RABGEF1: variants seen among roughly 807,000 people sequenced by gnomAD.
The protein encoded by RABGEF1 is RAB guanine nucleotide exchange factor 1, also known as rab5 GDP/GTP exchange factor.
RABGEF1 carries 26 observed loss-of-function variants against 57.3 expected under a neutral mutation model. The ratio of observed to expected loss-of-function variants is 0.45; its 90% CI spans 0.33 to 0.63. The LOEUF is 0.63. Ranked by LOEUF, RABGEF1 falls within the 20% of genes least tolerant of loss-of-function variation. The pLI is 0.02. For missense variants in RABGEF1, 464 were observed against 607.6 expected, an observed-to-expected ratio of 0.76 and a Z score of 2.48; for synonymous variants, 185 against 210.7, an observed-to-expected ratio of 0.88 and a Z score of 1.06.
intron 4 of RABGEF1, among the ~76,000 whole-genome samples, chr7:66,786,494 C>G (rs1172022054): frequency 6.6e-6 from 1 of 152,162 alleles, no homozygotes; most frequent in African/African-American, 2.4e-5. Context: ...GACTTGACCT[C>G]CCAGACTCAA....
chr7:66,738,030 T>TTTTTTTTG (rs1798243704), upstream of RABGEF1, among the ~76,000 whole-genome samples: 3 of 146,888 alleles, frequency 2.0e-5, no homozygotes, highest in African/African-American at 5.0e-5. Context: ...TTTGTTTTTT[T>TTTTTTTTG]TTTTTTTTGA....
chr7:66,761,019 T>G (rs1804191929), intron 1 of RABGEF1, among the ~76,000 whole-genome samples: 1 of 152,208 alleles, frequency 6.6e-6, no homozygotes, highest in African/African-American at 2.4e-5. Flanking sequence ...ATAACCTTAT[T>G]CATTTAGTTT....
chr7:66,698,730 C>G (rs982063957), intron 1 of RABGEF1, among the ~76,000 whole-genome samples: 2 of 152,162 alleles, frequency 1.3e-5, no homozygotes, highest in African/African-American at 4.8e-5. Flanking sequence ...CACCCCAGAC[C>G]TGGGTCTCTG....
At chr7:66,765,230 A>C (rs976843648) in intron 1 of RABGEF1, among the ~76,000 whole-genome samples, 20 of 151,554 alleles carry the variant, frequency 1.3e-4, no homozygotes, top group African/African-American at 4.8e-4. Flanking sequence ...GCCTAAAGTT[A>C]CATTTCCAGT....
chr7:66,731,681 C>T (rs566521638), intron 2 of RABGEF1, among the ~76,000 whole-genome samples: 2 of 152,294 alleles, frequency 1.3e-5, no homozygotes, highest in South Asian at 4.1e-4. Context: ...TGTGCCACTG[C>T]ACTCCAGCCT....
At chr7:66,751,373 G>A (rs971714088) in intron 1 of RABGEF1, among the ~76,000 whole-genome samples, 1 of 152,148 alleles carries the variant, frequency 6.6e-6, no homozygotes, top group African/African-American at 2.4e-5. Flanking sequence ...CATTAAATAA[G>A]TCTTTCTGGT....
chr7:66,752,715 A>C (rs1801723637), intron 1 of RABGEF1, among the ~76,000 whole-genome samples: 2 of 152,208 alleles, frequency 1.3e-5, no homozygotes, highest in African/African-American at 4.8e-5. Flanking sequence ...TTCCCAGGCC[A>C]GTTGAATCAG....
chr7:66,707,955 G>C (rs1794330985), intron 1 of RABGEF1, among the ~76,000 whole-genome samples: 1 of 151,880 alleles, frequency 6.6e-6, no homozygotes. Context: ...GTTACTTTCT[G>C]CATGGAATAT....
At chr7:66,747,025 C>A (rs1800419148) in intron 1 of RABGEF1, among the ~76,000 whole-genome samples, 1 of 151,908 alleles carries the variant, frequency 6.6e-6, no homozygotes, top group Non-Finnish European at 1.5e-5. Flanking sequence ...AATTTCTGAC[C>A]TCAGGTGATC....
Position 66,790,341 on chromosome 7 carries a change from T to C in RABGEF1, c.514-5170T>C, listed in dbSNP as rs143357656. On this transcript the variant is annotated intron_variant, in intron 4 of 8. Transcript: ENST00000284957. ...CCCTTATGCGCATGAGGTCTTTTTT[T>C]CGTCTTTCTTCACATGCGACAGGCA... is the stretch of plus-strand genomic sequence containing the variant. Among the ~76,000 whole-genome samples, 162 of 152,304 alleles carry C rather than the reference T, an allele frequency of 1.1e-3. 1 individual carries two copies. Among genetic ancestry groups the C allele is most frequent in the African/African-American group, 3.8e-3 (157 of 41,562 alleles).
intron 1 of RABGEF1, among the ~76,000 whole-genome samples, chr7:66,744,687 AG>A (rs1191028808): frequency 8.1e-5 from 12 of 148,400 alleles, no homozygotes; most frequent in Non-Finnish European, 1.6e-4. Context: ...AAAAAAAAAA[AG>A]ATGCTTGACG....
At chr7:66,676,112 G>A in the RABGEF1 span, among the ~76,000 whole-genome samples, 1 of 152,046 alleles carries the variant, frequency 6.6e-6, no homozygotes, top group African/African-American at 2.4e-5. Flanking sequence ...TTGAGGTCAC[G>A]AGTTTGAGAC....
chr7:66,775,994 G>A (rs375096309), intron 3 of RABGEF1, among the ~76,000 whole-genome samples: 37 of 152,314 alleles, frequency 2.4e-4, no homozygotes, highest in Middle Eastern at 3.4e-3. Context: ...ACCAGCAAGA[G>A]GATTGTCACT....
At chr7:66,687,719 C>T (rs1394838460) in intron 1 of RABGEF1, among the ~76,000 whole-genome samples, 2 of 152,020 alleles carry the variant, frequency 1.3e-5, no homozygotes, top group Non-Finnish European at 2.9e-5. Context: ...TCTATAAATA[C>T]AGACTTACTT....
At position 66,775,410 on chromosome 7, in the gene RABGEF1, CT is replaced by C. The variant is rs753775194; in HGVS notation, c.346+25del. ...CAAAGAAGGGTAATGTTCTGATACT[CT>C]TTTTTTTCTTCTCTGCCTGAGTGAG... On this transcript the variant is annotated intron_variant, in intron 3 of 8. Coordinates refer to ENST00000284957, the MANE Select transcript of RABGEF1 (RefSeq NM_014504.3). 2 of 1,610,142 alleles carry C rather than the reference CT, an allele frequency of 1.2e-6. No individual in the cohort carries two copies. The highest frequency in any genetic ancestry group is 1.7e-6 in the Non-Finnish European group (2 of 1,177,440).
chr7:66,797,039 C>G, intron 5 of RABGEF1: 2 of 365,650 alleles, frequency 5.5e-6, no homozygotes, highest in Non-Finnish European at 1.0e-5. Flanking sequence ...CTGGCTCACA[C>G]CTATAAACCT....
At chr7:66,714,640 A>G (rs1462978631) in intron 2 of RABGEF1, among the ~76,000 whole-genome samples, 2 of 152,114 alleles carry the variant, frequency 1.3e-5, no homozygotes, top group African/African-American at 4.8e-5. Context: ...TAGTTTCTTA[A>G]AACAGAAATT....
chr7:66,669,321 C>T, the RABGEF1 span: 1 of 152,534 alleles, frequency 6.6e-6, no homozygotes, highest in Non-Finnish European at 1.5e-5. Flanking sequence ...TCCCCAGTCA[C>T]CAGAGGAGGC....
chr7:66,791,574 T>C (rs1584164130), intron 4 of RABGEF1, among the ~76,000 whole-genome samples: 1 of 152,134 alleles, frequency 6.6e-6, no homozygotes, highest in African/African-American at 2.4e-5. Context: ...ACCCATAAAA[T>C]AGAATGTGGC....
Sources: gnomAD v4.1 joint callset for allele counts (sites outside exome capture counted in the v4.1 genomes callset) on GRCh38, gnomAD v4.1.1 for gene constraint, MANE v1.5 for transcripts, NCBI Gene and HGNC (gene_info 2026-07-23, HGNC 2026-07-21) for gene names.